The following TBC1D5 variants were observed in gnomAD, a reference collection of about 807,000 sequenced individuals.
TBC1D5 encodes the protein TBC1 domain family, member 5.
A neutral mutation model predicts 100.3 loss-of-function variants in TBC1D5; 75 were observed. That is an observed-to-expected ratio of 0.75 (90% CI 0.62 to 0.91). The LOEUF is 0.91. TBC1D5 is among the 40% of genes least tolerant of loss of function. The pLI is 0.00. For missense variants in TBC1D5, 910 were observed against 942.4 expected (o/e 0.97, Z 0.45); for synonymous variants, 323 against 325.6 (o/e 0.99, Z 0.09).
chr3:17,405,607 C>T (rs1250549554), intron 5 of TBC1D5, among the ~76,000 whole-genome samples: 1 of 151,948 alleles, frequency 6.6e-6, no homozygotes, highest in Non-Finnish European at 1.5e-5. Flanking sequence ...GGGTGGCGCA[C>T]AAATACTTGT....
chr3:17,220,328 T>C (rs1399613061), intron 17 of TBC1D5, among the ~76,000 whole-genome samples: 1 of 152,162 alleles, frequency 6.6e-6, no homozygotes, highest in Non-Finnish European at 1.5e-5. Context: ...ATATTTTATA[T>C]ATGTGAACGT....
intron 1 of TBC1D5, among the ~76,000 whole-genome samples, chr3:17,628,611 C>T (rs555720135): frequency 7.9e-5 from 12 of 152,158 alleles, no homozygotes; most frequent in Admixed American, 2.6e-4. Context: ...ACCCTGGGAA[C>T]GGTTTAATTG....
intron 4 of TBC1D5, among the ~76,000 whole-genome samples, chr3:17,408,949 T>A (rs1420759927): frequency 6.6e-6 from 1 of 152,278 alleles, no homozygotes. Context: ...ATATTCTAAA[T>A]ATGTCCTATT....
intron 18 of TBC1D5, among the ~76,000 whole-genome samples, chr3:17,186,551 A>G (rs1051185881): frequency 5.3e-5 from 8 of 151,664 alleles, no homozygotes; most frequent in Non-Finnish European, 1.2e-4. Context: ...TCTACTAAAA[A>G]TGCAACAAAT....
At chr3:17,207,248 C>T (rs187884546) in intron 18 of TBC1D5, among the ~76,000 whole-genome samples, 270 of 152,180 alleles carry the variant, frequency 1.8e-3, no homozygotes, top group Non-Finnish European at 3.3e-3. Flanking sequence ...ACATGACTAA[C>T]AGTGCTAAAA....
At chr3:17,435,773 A>T (rs926246160) in intron 3 of TBC1D5, among the ~76,000 whole-genome samples, 3 of 152,210 alleles carry the variant, frequency 2.0e-5, no homozygotes, top group Non-Finnish European at 2.9e-5. Context: ...GCTGGTGAGG[A>T]TTTCTTTGGG....
At chr3:17,429,579 G>A (rs1187512993) in intron 3 of TBC1D5, among the ~76,000 whole-genome samples, 4 of 151,860 alleles carry the variant, frequency 2.6e-5, no homozygotes, top group Non-Finnish European at 5.9e-5. Flanking sequence ...GGTGCAATAG[G>A]AAATCATCAC....
At chr3:17,652,343 T>C (rs1276235987) in intron 1 of TBC1D5, among the ~76,000 whole-genome samples, 3 of 152,134 alleles carry the variant, frequency 2.0e-5, no homozygotes, top group Non-Finnish European at 2.9e-5. Context: ...AAATAAATTA[T>C]TTATAAAGGA....
chr3:17,214,543 C>G (rs1418706789), intron 17 of TBC1D5, among the ~76,000 whole-genome samples, 173 bp from the exon 19 acceptor site: 1 of 151,426 alleles, frequency 6.6e-6, no homozygotes, highest in East Asian at 1.9e-4. Context: ...AGAATAGCCA[C>G]TGGTTTTCAA....
intron 1 of TBC1D5, among the ~76,000 whole-genome samples, chr3:17,655,838 G>T (rs1405327788): frequency 1.3e-5 from 2 of 152,128 alleles, no homozygotes; most frequent in East Asian, 3.8e-4. Context: ...TTAGCCAAAA[G>T]GCCAAGAAGT....
chr3:17,280,905 G>T (rs2733524), intron 15 of TBC1D5, among the ~76,000 whole-genome samples: 63,493 of 152,028 alleles, frequency 0.42, 13,967 homozygotes, highest in Middle Eastern at 0.5. Context: ...GTGGGGGAGT[G>T]GGGGTACTCC....
chr3:17,699,917 CAA>C (rs2072885526), intron 1 of TBC1D5: 16 of 151,822 alleles, frequency 1.1e-4, no homozygotes, highest in Middle Eastern at 3.4e-3. Flanking sequence ...ACCCGGATTT[CAA>C]CCGGGGACCT....
chr3:17,364,273 T>A (rs548424401), intron 13 of TBC1D5, among the ~76,000 whole-genome samples: 1 of 152,180 alleles, frequency 6.6e-6, no homozygotes, highest in African/African-American at 2.4e-5. Context: ...TGGTTTGTGA[T>A]CTTTCCTTCT....
chr3:17,705,370 A>G (rs1453698648), intron 1 of TBC1D5, among the ~76,000 whole-genome samples: 1 of 117,064 alleles, frequency 8.5e-6, no homozygotes, highest in Non-Finnish European at 1.8e-5. Context: ...TCCCTCCCGG[A>G]CGGGGTGGCT....
chr3:17,741,420 CTCA>C (rs1436092915), upstream of TBC1D5, among the ~76,000 whole-genome samples: 2 of 152,220 alleles, frequency 1.3e-5, no homozygotes, highest in Non-Finnish European at 2.9e-5. Flanking sequence ...ATAGCAAAGG[CTCA>C]TTTTTCAACA....
intron 2 of TBC1D5, among the ~76,000 whole-genome samples, chr3:17,619,669 T>C (rs1214973191): frequency 6.6e-6 from 1 of 152,216 alleles, no homozygotes; most frequent in African/African-American, 2.4e-5. Flanking sequence ...AGAGAGGGAT[T>C]CTTCCTATAA....
At chr3:17,367,866 A>G (rs1490734969) in intron 13 of TBC1D5, among the ~76,000 whole-genome samples, 3 of 152,128 alleles carry the variant, frequency 2.0e-5, no homozygotes, top group Non-Finnish European at 4.4e-5. Flanking sequence ...CTCAAAAAAA[A>G]AAGAAAAAAG....
chr3:17,335,350 C>G (rs778330872), intron 13 of TBC1D5, among the ~76,000 whole-genome samples: 1 of 151,992 alleles, frequency 6.6e-6, no homozygotes, highest in East Asian at 1.9e-4. Flanking sequence ...ATAGGTGACA[C>G]CTTTGCATTG....
intron 3 of TBC1D5, among the ~76,000 whole-genome samples, chr3:17,437,725 G>C (rs1039349949): frequency 4.6e-5 from 7 of 151,682 alleles, no homozygotes; most frequent in Non-Finnish European, 8.8e-5. Flanking sequence ...AGTGAAGGCA[G>C]AGAGAGAAAA....
Sources: allele counts gnomAD v4.1 joint callset (sites outside exome capture counted in the v4.1 genomes callset), GRCh38; gene constraint gnomAD v4.1.1; transcripts MANE v1.5; gene names NCBI Gene and HGNC (gene_info 2026-07-23, HGNC 2026-07-21).